The following EZH1 variants were observed in gnomAD, a reference collection of about 807,000 sequenced individuals.
EZH1 encodes the protein histone-lysine N-methyltransferase EZH1.
EZH1 carries 33 observed loss-of-function variants against 100.5 expected under a neutral mutation model. The observed-to-expected ratio is 0.33, with a 90% CI of 0.25 to 0.44. EZH1 has a LOEUF of 0.44. Among genes scored for constraint, EZH1 ranks in the 20% least tolerant of loss-of-function variants. The pLI is 1.00. For missense variants in EZH1, 475 were observed against 928.4 expected (o/e 0.51, Z 6.35); for synonymous variants, 272 against 313.8 (o/e 0.87, Z 1.41).
At chr17:42,743,651 G>A (rs1285254212) in intron 1 of EZH1, among the ~76,000 whole-genome samples, 1 of 149,800 alleles carries the variant, frequency 6.7e-6, no homozygotes, top group Non-Finnish European at 1.5e-5. Context: ...TTTTTGTAGA[G>A]ATGAGGTCTC....
intron 11 of EZH1, 64 bp from the exon 12 acceptor site, chr17:42,712,549 C>G: frequency 1.4e-6 from 2 of 1,461,262 alleles, no homozygotes; most frequent in Non-Finnish European, 1.9e-6. Context: ...AGTAGTTTGT[C>G]ACAAACTCAG....
Position 42,718,533 on chromosome 17 carries a change from A to G in EZH1, c.852T>C (p.Ser284=), listed in dbSNP as rs1242155832. The G allele has an allele frequency of 6.2e-7, 1 of 1,614,230 alleles. No homozygotes were observed. The highest frequency in any genetic ancestry group is 2.2e-5 in the East Asian group (1 of 44,886). The change falls in exon 9 of 21, where the codon TCT becomes TCC. Residue 284 remains serine (S), a synonymous_variant. Transcript: ENST00000428826. The surrounding 1 kb of genome is among the most constrained non-coding windows in gnomAD (Gnocchi z 4.2). The part of the protein sequence containing the change: ...TPNIDGPNAK[S]VQREQSLHSF... ...AGTGCAGAGATTGCTCCCGCTGCAC[A>G]GACTTGGCATTGGGGCCATCGATGT...
chr17:42,729,789 C>T (rs894383985), intron 2 of EZH1, among the ~76,000 whole-genome samples: 2 of 150,040 alleles, frequency 1.3e-5, no homozygotes, highest in African/African-American at 4.9e-5. Flanking sequence ...CCTGTAATCC[C>T]AGCACTTTGG....
chr17:42,705,187 G>C lies in EZH1; in HGVS notation c.1840-4C>G. The C allele has an allele frequency of 1.2e-6, 2 of 1,608,556 alleles. No homozygotes were observed. The highest frequency in any genetic ancestry group is 2.2e-5 in the South Asian group (2 of 90,816). ...CAGAGGGGGCCAGCAGCAGGTGCTG[G>C]GGAAGAGGGGGCCAAGTCTCAGACT... On this transcript the variant is annotated splice_polypyrimidine_tract_variant and splice_region_variant and intron_variant, in intron 16 of 20. Coordinates refer to ENST00000428826, the MANE Select transcript of EZH1 (RefSeq NM_001991.5).
intron 10 of EZH1, among the ~76,000 whole-genome samples, chr17:42,715,009 TA>T (rs1231738808): frequency 7.2e-6 from 1 of 139,414 alleles, no homozygotes; most frequent in African/African-American, 2.6e-5. Context: ...TATATAAATA[TA>T]AAATATATAT....
chr17:42,728,675 G>A (rs1394393497), intron 3 of EZH1, 150 bp downstream of exon 3: 14 of 655,734 alleles, frequency 2.1e-5, no homozygotes, highest in Non-Finnish European at 3.3e-5. Context: ...CTGCGAGGTG[G>A]AGCTTGCAGT....
intron 1 of EZH1, among the ~76,000 whole-genome samples, chr17:42,731,177 G>C (rs768916532): frequency 1.3e-5 from 2 of 151,754 alleles, no homozygotes; most frequent in Non-Finnish European, 2.9e-5. Flanking sequence ...GAGTGCAGTG[G>C]CACAATCTTG....
chr17:42,708,248 G>C (rs1365630613), intron 14 of EZH1, 165 bp from the exon 15 acceptor site: 1 of 739,664 alleles, frequency 1.4e-6, no homozygotes, highest in East Asian at 3.0e-5. Context: ...TTGTTCATAA[G>C]CTGCAGTGGG....
intron 13 of EZH1, 76 bp downstream of exon 13, chr17:42,709,770 G>A (rs1490690195): frequency 2.9e-6 from 4 of 1,396,462 alleles, no homozygotes; most frequent in Middle Eastern, 1.8e-4. Context: ...GGAGGCAGAT[G>A]GGAACTCCAA....
In EZH1 at chr17:42,720,156, T is replaced by C. The variant is rs1026789219; in HGVS notation, c.664+117A>G. On this transcript the variant is annotated intron_variant, in intron 7 of 20. Coordinates refer to ENST00000428826, the MANE Select transcript of EZH1 (RefSeq NM_001991.5). ...TCACTTAATGATCATGTTCTCCTTT[T>C]AAGTGAACCAACAAGAAGCACCAAC... 34 of 1,071,274 alleles carry C rather than the reference T, an allele frequency of 3.2e-5. No individual in the cohort carries two copies. The South Asian group carries it at 5.3e-4, about 17-fold the overall frequency. 66.4% of individuals were successfully genotyped at this position (1,071,274 alleles called of 1,614,324 possible).
intron 4 of EZH1, among the ~76,000 whole-genome samples, chr17:42,727,155 A>C (rs570241949): frequency 6.6e-6 from 1 of 152,022 alleles, no homozygotes; most frequent in African/African-American, 2.4e-5. Flanking sequence ...CAGCCCCCGT[A>C]ATTATTCTTG....
intron 5 of EZH1, among the ~76,000 whole-genome samples, chr17:42,723,701 T>C (rs1479175219): frequency 6.6e-6 from 1 of 152,202 alleles, no homozygotes; most frequent in Admixed American, 6.5e-5. Context: ...GTAAAATTAT[T>C]CTGAAGTTTT....
At position 42,722,916 on chromosome 17, in the gene EZH1, C is replaced by T. The variant is rs765418438; in HGVS notation, c.367-1G>A. ...TGCACAAAACCGTCTCATCTTCTAC[C>T]TGAAACCAAACCAGATGTGATTTAT... On this transcript the variant is annotated splice_acceptor_variant, in intron 5 of 20. Transcript: ENST00000428826. LOFTEE classifies it high-confidence loss of function. 1 of 1,613,150 alleles carries T rather than the reference C, an allele frequency of 6.2e-7. No homozygotes were observed. Among genetic ancestry groups the T allele is most frequent in the East Asian group, 2.2e-5 (1 of 44,842 alleles).
At position 42,738,053 on chromosome 17, in the gene EZH1, G is replaced by A. The variant is rs536874490; in HGVS notation, c.-103+6958C>T. ...TAGCTGGGCATGGTGGCGGGCACCTGTAGTCCCAGCTACTCAGGAGGCTGA... is the reference window on the plus strand; with the variant it reads ...TAGCTGGGCATGGTGGCGGGCACCTATAGTCCCAGCTACTCAGGAGGCTGA... On this transcript the variant is annotated intron_variant, in intron 1 of 20. Coordinates refer to ENST00000428826, the MANE Select transcript of EZH1 (RefSeq NM_001991.5). Among the ~76,000 whole-genome samples, 532 of 151,868 alleles carry A rather than the reference G, an allele frequency of 3.5e-3. 5 individuals carry two copies. The highest frequency in any genetic ancestry group is 3.3e-3 in the Non-Finnish European group (225 of 67,964).
intron 3 of EZH1, among the ~76,000 whole-genome samples, chr17:42,728,362 C>T (rs1011134477): frequency 1.3e-5 from 2 of 150,950 alleles, no homozygotes; most frequent in South Asian, 4.2e-4. Context: ...GATCCACCTG[C>T]CTTAGCCTCC....
chr17:42,719,554 T>A (rs964984764), intron 7 of EZH1, among the ~76,000 whole-genome samples: 1 of 152,132 alleles, frequency 6.6e-6, no homozygotes, highest in South Asian at 2.1e-4. Context: ...CTGGCCAACA[T>A]GGTAAAACCC....
chr17:42,711,908 T>TGCA (rs1193215947), intron 12 of EZH1, among the ~76,000 whole-genome samples: 2 of 103,914 alleles, frequency 1.9e-5, no homozygotes, highest in East Asian at 2.5e-4. Flanking sequence ...CTGCAGCAGC[T>TGCA]GCAGCAGCAG....
chr17:42,703,014 A>G, intron 19 of EZH1, 53 bp from the exon 20 acceptor site: 1 of 1,542,500 alleles, frequency 6.5e-7, no homozygotes, highest in African/African-American at 1.4e-5. Context: ...CAAGTCAATA[A>G]CCAGTAGGCT....
chr17:42,702,401 C>T lies in EZH1; in HGVS notation c.*131G>A, dbSNP rs140908315. The T allele has an allele frequency of 2.7e-6, 2 of 745,474 alleles. No homozygotes were observed. The highest frequency in any genetic ancestry group is 3.5e-5 in the African/African-American group (2 of 57,282). 46.2% of individuals were successfully genotyped at this position (745,474 alleles called of 1,614,324 possible). On this transcript the variant is annotated 3_prime_UTR_variant, in exon 21 of 21. Coordinates refer to ENST00000428826, the MANE Select transcript of EZH1 (RefSeq NM_001991.5). ...CCCTCTGGACATGGCAGAGGCCTCA[C>T]TACAGAGGGAGTGGGTTGGGGGGTT...
Sources: allele counts gnomAD v4.1 joint callset (sites outside exome capture counted in the v4.1 genomes callset), GRCh38; gene constraint gnomAD v4.1.1; non-coding constraint Gnocchi (gnomAD v3.1); transcripts MANE v1.5; gene names NCBI Gene and HGNC (gene_info 2026-07-23, HGNC 2026-07-21).